RRP1: variants seen among roughly 807,000 people sequenced by gnomAD.
RRP1 encodes the protein ribosomal RNA processing protein 1 homolog A.
RRP1 carries 37 observed loss-of-function variants against 54.6 expected under a neutral mutation model. That is an observed-to-expected ratio of 0.68 (90% CI 0.52 to 0.89). RRP1 has a LOEUF of 0.89. Ranked by LOEUF, RRP1 falls within the 40% of genes least tolerant of loss-of-function variation. The probability of loss-of-function intolerance (pLI) is 0.00; values close to 1 mark genes in which losing one functional copy is unlikely to be tolerated. For synonymous variants in RRP1, 262 were observed against 244.3 expected, an observed-to-expected ratio of 1.07 and a Z score of -0.67; for missense variants, 639 against 612.5, an observed-to-expected ratio of 1.04 and a Z score of -0.46.
intron 7 of RRP1, 31 bp from the exon 8 acceptor site, chr21:43,797,876 C>T (rs764904197): frequency 1.3e-6 from 2 of 1,599,502 alleles, no homozygotes; most frequent in Non-Finnish European, 1.7e-6. Flanking sequence ...GCATAACGGG[C>T]CTGCTCACCG....
Position 43,800,525 on chromosome 21 carries a change from C to T in RRP1, c.900C>T (p.Tyr300=), listed in dbSNP as rs184033526. The T allele has an allele frequency of 3.5e-5, 57 of 1,614,202 alleles. No homozygotes were observed. The highest frequency in any genetic ancestry group is 3.1e-4 in the East Asian group (14 of 44,888). The change falls in exon 10 of 13, where the codon TAC becomes TAT. Residue 300 remains tyrosine (Y), a synonymous_variant. Transcript: ENST00000497547. The part of the protein sequence containing the change: ...DSGGPVLQFD[Y]EAVANRLFEM... ...TCTCTCTTTTGAAACAGTTTGACTA[C>T]GAGGCAGTTGCTAACAGACTGTTTG... is the stretch of plus-strand genomic sequence containing the variant.
chr21:43,795,069 GC>G, intron 4 of RRP1, 119 bp from the exon 5 acceptor site: 2 of 920,738 alleles, frequency 2.2e-6, no homozygotes, highest in South Asian at 1.4e-5. Flanking sequence ...GTGTGCTGGG[GC>G]CGGCAGAGGT....
At position 43,803,897 on chromosome 21, in the gene RRP1, G is replaced by A. The variant is rs1207279427; in HGVS notation, c.*123G>A. 3.6e-5 allele frequency: 45 copies of A among 1,239,058 alleles called. No homozygotes were observed. Among genetic ancestry groups the A allele is most frequent in the Non-Finnish European group, 4.8e-5 (44 of 913,162 alleles). The allele number at this position is 1,239,058 out of a possible 1,614,324, so 76.8% of individuals were successfully genotyped here. The stretch of plus-strand genomic sequence containing the variant: ...TCCAGAACTCCTGTGCCAGGCGGGA[G>A]GGAAGGGCGGCACTGGAGAGATGGG... On this transcript the variant is annotated 3_prime_UTR_variant, in exon 13 of 13. Transcript: ENST00000497547.
In RRP1 at chr21:43,803,804, G is replaced by A. The variant is rs1229617191; in HGVS notation, c.*30G>A. On this transcript the variant is annotated 3_prime_UTR_variant, in exon 13 of 13. Coordinates refer to ENST00000497547, the MANE Select transcript of RRP1 (RefSeq NM_003683.6). The stretch of plus-strand genomic sequence containing the variant: ...GCCGGGCCAAGGACAGGCAGGGAGG[G>A]AGGCCAGGCCTCGCTTGCACCGCGG... The A allele has an allele frequency of 6.5e-7, 1 of 1,541,534 alleles. No homozygotes were observed. Among genetic ancestry groups the A allele is most frequent in the South Asian group, 1.2e-5 (1 of 80,864 alleles).
chr21:43,795,305 G>T, intron 5 of RRP1, 55 bp downstream of exon 5: 4 of 1,542,800 alleles, frequency 2.6e-6, no homozygotes, highest in Non-Finnish European at 3.6e-6. Flanking sequence ...GACCGCAGTC[G>T]TGTTTGTCAT....
At chr21:43,800,416 C>CA in intron 9 of RRP1, 101 bp from the exon 10 acceptor site, 8 of 1,058,874 alleles carry the variant, frequency 7.6e-6, no homozygotes, top group Non-Finnish European at 1.1e-5. Context: ...GGAGAACCTG[C>CA]AAGTGGGACC....
intron 5 of RRP1, 86 bp downstream of exon 5, chr21:43,795,336 G>A: frequency 1.5e-6 from 2 of 1,308,238 alleles, no homozygotes; most frequent in Non-Finnish European, 1.1e-6. Flanking sequence ...GCCATAAGGA[G>A]ATGTCAGCCT....
In RRP1 at chr21:43,805,189, T is replaced by C. The variant is rs1294797192; in HGVS notation, c.*1415T>C. ...TACTCGGGAGGCTGAGGCAGGAGAA[T>C]TGCTTGAACCTGGGAGGCAGAGGTT... On this transcript the variant is annotated 3_prime_UTR_variant, in exon 13 of 13. Coordinates refer to ENST00000497547, the MANE Select transcript of RRP1 (RefSeq NM_003683.6). The C allele has an allele frequency of 1.3e-5, 2 of 151,806 alleles. No individual in the cohort carries two copies. The highest frequency in any genetic ancestry group is 2.4e-5 in the African/African-American group (1 of 41,196). The allele number at this position is 151,806 out of a possible 1,614,324, so 9.4% of individuals were successfully genotyped here. A position where few individuals can be genotyped will look rare whatever the true frequency, so the allele number is the denominator to read the frequency against.
intron 5 of RRP1, 195 bp from the exon 6 acceptor site, chr21:43,797,227 A>G: frequency 1.2e-6 from 1 of 835,358 alleles, no homozygotes; most frequent in South Asian, 1.9e-5. Context: ...CCTAACTGCA[A>G]GACTGCCTTG....
At chr21:43,800,040 G>A (rs1407546172) in intron 9 of RRP1, among the ~76,000 whole-genome samples, 1 of 152,262 alleles carries the variant, frequency 6.6e-6, no homozygotes, top group African/African-American at 2.4e-5. Context: ...TGGCCTGTGG[G>A]TCCCAGCGAG....
chr21:43,804,659 G>C lies in RRP1; in HGVS notation c.*885G>C, dbSNP rs535738140. 1.3e-5 allele frequency: 2 copies of C among 152,556 alleles called. No homozygotes were observed. Among genetic ancestry groups the C allele is most frequent in the South Asian group, 4.1e-4 (2 of 4,834 alleles). 9.5% of individuals were successfully genotyped at this position (152,556 alleles called of 1,614,324 possible). Reference sequence around the variant, plus strand: ...ACAAGGGGCCGCTGCGTTGGGTTTTGCCCGCATCTTCTGTTCCATGGGTGC... The same window carrying C: ...ACAAGGGGCCGCTGCGTTGGGTTTTCCCCGCATCTTCTGTTCCATGGGTGC... On this transcript the variant is annotated 3_prime_UTR_variant, in exon 13 of 13. Coordinates refer to ENST00000497547, the MANE Select transcript of RRP1 (RefSeq NM_003683.6). The surrounding 1 kb of genome is among the most constrained non-coding windows in gnomAD (Gnocchi z 4.3).
intron 12 of RRP1, 41 bp downstream of exon 12, chr21:43,802,428 C>T (rs748198718): frequency 2.0e-5 from 30 of 1,524,936 alleles, no homozygotes; most frequent in Non-Finnish European, 2.2e-5. Context: ...CCGGCGTCCT[C>T]ACCTGCTTGC....
intron 1 of RRP1, chr21:43,790,710 C>T: frequency 3.9e-6 from 1 of 257,958 alleles, no homozygotes. Context: ...ATCTCAGCCT[C>T]CCCAATAGCT....
Position 43,803,736 on chromosome 21 carries a change from G to T in RRP1, c.1348G>T (p.Val450Phe). Residue 450 changes from valine (V) to phenylalanine (F), a missense_variant, in exon 13 of 13, where the codon GTC becomes TTC. Coordinates refer to ENST00000497547, the MANE Select transcript of RRP1 (RefSeq NM_003683.6). The part of the protein sequence containing the change: ...LTSARAKAAN[V>F]QEPEKKKKRR... ...CAGTGCCCGAGCAAAGGCGGCCAAT[G>T]TCCAGGAGCCGGAGAAGAAGAAGAA... 1 of 1,575,004 alleles carries T rather than the reference G, an allele frequency of 6.3e-7. No individual in the cohort carries two copies. Among genetic ancestry groups the T allele is most frequent in the Non-Finnish European group, 8.6e-7 (1 of 1,159,518 alleles).
rs1268838161 is a variant in RRP1 at position 43,802,369 on chromosome 21, A to G, written c.1105A>G (p.Arg369Gly). 3 of 1,613,714 alleles carry G rather than the reference A, an allele frequency of 1.9e-6. No individual in the cohort carries two copies. In the Admixed American group the frequency reaches 5.0e-5, roughly 27 times the overall value. ...GACGAAGAAGCAGAAGCGTCTGCTC[A>G]GGTTGCAGCAGGAGAGAGGTAGGAC... ...KKTKKQKRLLRLQQERGKGEK... is the reference protein window; with the variant it reads ...KKTKKQKRLLGLQQERGKGEK... Residue 369 changes from arginine (R) to glycine (G), a missense_variant, in exon 12 of 13, where the codon AGG becomes GGG. Coordinates refer to ENST00000497547, the MANE Select transcript of RRP1 (RefSeq NM_003683.6).
chr21:43,791,352 G>A lies in RRP1; in HGVS notation c.136G>A (p.Gly46Ser). The change falls in exon 2 of 13, where the codon GGT becomes AGT. Residue 46 changes from glycine to serine, a missense_variant and splice_region_variant. Coordinates refer to ENST00000497547, the MANE Select transcript of RRP1 (RefSeq NM_003683.6). Reference protein sequence around the residue: ...IVARTQRAAGGFTHDELLKVW... With the variant: ...IVARTQRAAGSFTHDELLKVW... The stretch of plus-strand genomic sequence containing the variant: ...CAACCGTTGCTGTTTTGATGCAGGT[G>A]GTTTTACGCACGACGAGCTGCTGAA... The A allele has an allele frequency of 6.2e-7, 1 of 1,613,880 alleles. No individual in the cohort carries two copies. Among genetic ancestry groups the A allele is most frequent in the Middle Eastern group, 1.6e-4 (1 of 6,062 alleles).
rs371341972 is a variant in RRP1, at chr21:43,795,255, G to T, written c.422+5G>T. 6.2e-7 allele frequency: 1 copy of T among 1,614,044 alleles called. No homozygotes were observed. The highest frequency in any genetic ancestry group is 8.5e-7 in the Non-Finnish European group (1 of 1,179,960). On this transcript the variant is annotated splice_donor_5th_base_variant and intron_variant, in intron 5 of 12. Transcript: ENST00000497547. ...GATGCAAGGCTGGGAAGAAAGGTGG[G>T]TGCGCGGCGGGCCTGCTCTGGGGGG...
Position 43,803,812 on chromosome 21 carries a change from G to C in RRP1, c.*38G>C, listed in dbSNP as rs1171775881. On this transcript the variant is annotated 3_prime_UTR_variant, in exon 13 of 13. Coordinates refer to ENST00000497547, the MANE Select transcript of RRP1 (RefSeq NM_003683.6). The stretch of plus-strand genomic sequence containing the variant: ...AAGGACAGGCAGGGAGGGAGGCCAG[G>C]CCTCGCTTGCACCGCGGGACGAGGC... 2 of 1,525,642 alleles carry C rather than the reference G, an allele frequency of 1.3e-6. No homozygotes were observed. Among genetic ancestry groups the C allele is most frequent in the African/African-American group, 2.7e-5 (2 of 73,298 alleles). The allele number at this position is 1,525,642 out of a possible 1,614,324, so 94.5% of individuals were successfully genotyped here.
chr21:43,794,953 G>A (rs1340285930), intron 4 of RRP1, among the ~76,000 whole-genome samples: 1 of 152,230 alleles, frequency 6.6e-6, no homozygotes, highest in Non-Finnish European at 1.5e-5. Flanking sequence ...CTTCCTGCCA[G>A]CTGGGGCCTT....
Sources: allele counts gnomAD v4.1 joint callset (sites outside exome capture counted in the v4.1 genomes callset), GRCh38; gene constraint gnomAD v4.1.1; non-coding constraint Gnocchi (gnomAD v3.1); transcripts MANE v1.5; gene names NCBI Gene and HGNC (gene_info 2026-07-23, HGNC 2026-07-21).